The following POLE2 variants were observed in gnomAD, a reference collection of about 807,000 sequenced individuals.
The protein encoded by POLE2 is DNA polymerase epsilon subunit 2.
A neutral mutation model predicts 79.4 loss-of-function variants in POLE2; 56 were observed. The observed-to-expected ratio is 0.71, with a 90% confidence interval of 0.57 to 0.88. POLE2 has a LOEUF of 0.88. POLE2 is among the 40% of genes least tolerant of loss of function. POLE2 has a pLI of 0.00. For synonymous variants in POLE2, 212 were observed against 214.0 expected (o/e 0.99, Z 0.08); for missense variants, 598 against 638.9 (o/e 0.94, Z 0.69).
intron 5 of POLE2, among the ~76,000 whole-genome samples, chr14:49,673,345 A>G (rs1886028974): frequency 1.3e-5 from 2 of 151,854 alleles, no homozygotes; most frequent in Admixed American, 1.3e-4. Context: ...AACAGTCCCA[A>G]CTCCCAAGGG....
At chr14:49,681,328 G>A (rs548291496) in intron 2 of POLE2, 1 of 215,826 alleles carries the variant, frequency 4.6e-6, no homozygotes, top group Non-Finnish European at 9.9e-6. Context: ...TGAATAGAGA[G>A]GTGTCTCAGA....
At chr14:49,673,804 T>A (rs1222760054) in intron 5 of POLE2, among the ~76,000 whole-genome samples, 2 of 152,214 alleles carry the variant, frequency 1.3e-5, no homozygotes, top group Non-Finnish European at 1.5e-5. Context: ...ATGGGAATAA[T>A]AGCATTTACA....
At chr14:49,668,053 C>A (rs376715807) in intron 6 of POLE2, among the ~76,000 whole-genome samples, 7 of 152,136 alleles carry the variant, frequency 4.6e-5, no homozygotes, top group African/African-American at 1.7e-4. Context: ...GGGCGGATCA[C>A]TTGAGGTCAG....
At chr14:49,647,754 AG>A (rs1883891933) in intron 17 of POLE2, among the ~76,000 whole-genome samples, 1 of 152,186 alleles carries the variant, frequency 6.6e-6, no homozygotes, top group African/African-American at 2.4e-5. Flanking sequence ...CACCGTGCCC[AG>A]CCGAATACTC....
intron 5 of POLE2, among the ~76,000 whole-genome samples, chr14:49,673,477 A>T (rs1429028671): frequency 1.3e-5 from 2 of 152,174 alleles, no homozygotes; most frequent in Non-Finnish European, 2.9e-5. Context: ...CTTTCTTCAC[A>T]ATCACCACCT....
chr14:49,682,927 T>C (rs1020752180), intron 2 of POLE2, among the ~76,000 whole-genome samples: 6 of 151,990 alleles, frequency 3.9e-5, no homozygotes, highest in South Asian at 4.2e-4. Context: ...ATGACTTAAA[T>C]AAGACATGGT....
intron 9 of POLE2, among the ~76,000 whole-genome samples, chr14:49,663,671 T>C (rs1007300937): frequency 6.6e-6 from 1 of 152,182 alleles, no homozygotes; most frequent in Admixed American, 6.5e-5. Flanking sequence ...CTATATAAAA[T>C]TAAGTGTTTT....
chr14:49,655,458 A>AACACATAC (rs377286307), intron 11 of POLE2, among the ~76,000 whole-genome samples: 5 of 143,396 alleles, frequency 3.5e-5, no homozygotes, highest in African/African-American at 1.3e-4. Context: ...CATGACTATA[A>AACACATAC]ACACACACAC....
chr14:49,648,167 C>T (rs1157746363), intron 17 of POLE2, among the ~76,000 whole-genome samples: 1 of 152,210 alleles, frequency 6.6e-6, no homozygotes, highest in East Asian at 1.9e-4. Context: ...TGTTTGTCTA[C>T]TATGAAACTC....
chr14:49,680,902 A>T (rs991759263), intron 2 of POLE2, among the ~76,000 whole-genome samples: 1 of 152,150 alleles, frequency 6.6e-6, no homozygotes, highest in Admixed American at 6.5e-5. Flanking sequence ...AAATGCTGCG[A>T]TTACAGGCGT....
rs1057220228 is a variant in POLE2 at position 49,653,838 on chromosome 14, G to A, written c.1211+152C>T. 15 of 562,564 alleles carry A rather than the reference G, an allele frequency of 2.7e-5. No individual in the cohort carries two copies. In the East Asian group the frequency reaches 4.6e-4, roughly 17 times the overall value. 34.8% of individuals were successfully genotyped at this position (562,564 alleles called of 1,614,324 possible). On this transcript the variant is annotated intron_variant, in intron 15 of 18. Coordinates refer to ENST00000216367, the MANE Select transcript of POLE2 (RefSeq NM_002692.4). ...AATTTTTGTACTTTTTGTAGAGATG[G>A]GTTTCACTGTGTTGCCAAAGCTGGT...
chr14:49,665,973 T>C (rs888091170), intron 7 of POLE2, among the ~76,000 whole-genome samples: 1 of 152,126 alleles, frequency 6.6e-6, no homozygotes, highest in African/African-American at 2.4e-5. Flanking sequence ...ATTACAGGCA[T>C]GTGCCACCAC....
Position 49,656,271 on chromosome 14 carries a change from C to T in POLE2, c.756-428G>A, listed in dbSNP as rs553330095. Among the ~76,000 whole-genome samples the T allele has an allele frequency of 7.9e-5, 12 of 151,168 alleles. No individual in the cohort carries two copies. The South Asian group carries it at 8.4e-4, about 11-fold the overall frequency. On this transcript the variant is annotated intron_variant, in intron 10 of 18. Coordinates refer to ENST00000216367, the MANE Select transcript of POLE2 (RefSeq NM_002692.4). ...TCTGGAGGATGAGACAGGAGAATGG[C>T]GTGAACCCCGGGGGGCGGAGCCTGC...
chr14:49,675,077 T>C (rs1489228146), intron 3 of POLE2, among the ~76,000 whole-genome samples: 1 of 150,088 alleles, frequency 6.7e-6, no homozygotes, highest in African/African-American at 2.5e-5. Flanking sequence ...ACTACTCTTA[T>C]GAGCTACAGT....
At chr14:49,685,789 GT>G (rs553198026) in intron 1 of POLE2, among the ~76,000 whole-genome samples, 40 of 144,190 alleles carry the variant, frequency 2.8e-4, no homozygotes, top group Admixed American at 3.5e-4. Context: ...TGGCTGGTTG[GT>G]TTTTTTTTTT....
intron 3 of POLE2, chr14:49,677,296 C>T (rs1254019956): frequency 1.2e-5 from 7 of 563,474 alleles, no homozygotes; most frequent in Non-Finnish European, 2.3e-5. Context: ...GAGAGATATA[C>T]TGTGGAATGG....
chr14:49,686,044 C>T (rs965592171), intron 1 of POLE2, among the ~76,000 whole-genome samples: 3 of 152,020 alleles, frequency 2.0e-5, no homozygotes, highest in African/African-American at 7.2e-5. Flanking sequence ...TCCTGGAATC[C>T]CTTTCACAAT....
Position 49,679,797 on chromosome 14 carries a change from G to A in POLE2, c.173C>T (p.Ser58Leu). The A allele has an allele frequency of 6.4e-7, 1 of 1,573,002 alleles. No homozygotes were observed. The highest frequency in any genetic ancestry group is 8.7e-7 in the Non-Finnish European group (1 of 1,147,662). The change falls in exon 3 of 19, where the codon TCA becomes TTA. Residue 58 changes from serine (S) to leucine (L), a missense_variant. Physicochemically the swap from Ser to Leu is moderately radical, Grantham distance 145. Transcript: ENST00000216367. Reference sequence around the variant, plus strand: ...CACAGATCGTTCAATCATGTTTGATGACACTGAAAAGAGAATTTCAAAGTC... The same window carrying A: ...CACAGATCGTTCAATCATGTTTGATAACACTGAAAAGAGAATTTCAAAGTC... ...IINAVEKQPLSSNMIERSVVE... is the reference protein window; with the variant it reads ...IINAVEKQPLLSNMIERSVVE...
chr14:49,644,726 A>T (rs1883636539), intron 18 of POLE2, among the ~76,000 whole-genome samples: 1 of 152,104 alleles, frequency 6.6e-6, no homozygotes, highest in Non-Finnish European at 1.5e-5. Flanking sequence ...ATACATTTTT[A>T]AAATTTCTTG....
Sources: allele counts gnomAD v4.1 joint callset (sites outside exome capture counted in the v4.1 genomes callset), GRCh38; gene constraint gnomAD v4.1.1; transcripts MANE v1.5; gene names NCBI Gene and HGNC (gene_info 2026-07-23, HGNC 2026-07-21).